AUTS2: variants seen among roughly 807,000 people sequenced by gnomAD.
AUTS2 encodes the protein autism susceptibility gene 2 protein.
In AUTS2, 17 loss-of-function variants were observed where a neutral mutation model predicts 112.4. The observed-to-expected ratio is 0.15, with a 90% CI of 0.10 to 0.23. The LOEUF is 0.23. Ranked by LOEUF, AUTS2 falls within the 10% of genes least tolerant of loss-of-function variation. AUTS2 has a pLI of 1.00. For missense variants in AUTS2, 1,510 were observed against 1,701.6 expected (o/e 0.89, Z 1.98); for synonymous variants, 751 against 702.7 (o/e 1.07, Z -1.09).
At chr7:70,066,270 G>C (rs1323702491) in intron 2 of AUTS2, among the ~76,000 whole-genome samples, 1 of 152,066 alleles carries the variant, frequency 6.6e-6, no homozygotes, top group Non-Finnish European at 1.5e-5. Flanking sequence ...AATAGTGATT[G>C]ATCATAAATT....
At chr7:70,556,736 C>T (rs989553027) in intron 5 of AUTS2, among the ~76,000 whole-genome samples, 2 of 152,172 alleles carry the variant, frequency 1.3e-5, no homozygotes, top group African/African-American at 4.8e-5. Context: ...GATAACCACC[C>T]AGTTTTCTGT....
chr7:70,531,606 GC>G (rs1302894352), intron 5 of AUTS2, among the ~76,000 whole-genome samples: 1 of 152,060 alleles, frequency 6.6e-6, no homozygotes, highest in Non-Finnish European at 1.5e-5. Flanking sequence ...GGGGTTCCAG[GC>G]TTTAAATAAT....
At chr7:70,151,336 A>C (rs1441183259) in intron 4 of AUTS2, among the ~76,000 whole-genome samples, 1 of 152,194 alleles carries the variant, frequency 6.6e-6, no homozygotes, top group Admixed American at 6.6e-5. Context: ...AGCCAGGAAC[A>C]GTGCTGATTC....
At chr7:70,698,445 A>G (rs1371336287) in intron 5 of AUTS2, 124 bp from the exon 6 acceptor site, 1 of 788,850 alleles carries the variant, frequency 1.3e-6, no homozygotes, top group Non-Finnish European at 2.0e-6. Context: ...ATTTGGGGAC[A>G]TTGCTGCTTC....
At chr7:69,855,281 T>C (rs1417741815) in intron 1 of AUTS2, among the ~76,000 whole-genome samples, 1 of 152,172 alleles carries the variant, frequency 6.6e-6, no homozygotes, top group Non-Finnish European at 1.5e-5. Context: ...AAACCAATCT[T>C]ATTGTTGTGA....
intron 4 of AUTS2, among the ~76,000 whole-genome samples, chr7:70,178,208 A>T (rs974047272): frequency 2.0e-4 from 31 of 152,148 alleles, no homozygotes; most frequent in African/African-American, 7.2e-4. Context: ...GTGAAGAGTG[A>T]ATGTCCCTGT....
At chr7:70,759,914 T>G (rs1326979151) in intron 6 of AUTS2, among the ~76,000 whole-genome samples, 4 of 152,190 alleles carry the variant, frequency 2.6e-5, no homozygotes, top group African/African-American at 7.2e-5. Flanking sequence ...AAGCTGATTT[T>G]GGGAGGGAAT....
At chr7:69,982,223 T>A (rs1262176278) in intron 2 of AUTS2, among the ~76,000 whole-genome samples, 1 of 152,176 alleles carries the variant, frequency 6.6e-6, no homozygotes, top group African/African-American at 2.4e-5. Context: ...CTGTGCCTTT[T>A]CTTCTTGACT....
chr7:70,639,386 G>A (rs1585418694), intron 5 of AUTS2, among the ~76,000 whole-genome samples: 1 of 151,782 alleles, frequency 6.6e-6, no homozygotes, highest in Non-Finnish European at 1.5e-5. Context: ...CAGCTCAAAG[G>A]AAACAGGGAG....
At chr7:70,464,458 GCAA>G (rs1325709783) in intron 5 of AUTS2, among the ~76,000 whole-genome samples, 1 of 152,124 alleles carries the variant, frequency 6.6e-6, no homozygotes, top group African/African-American at 2.4e-5. Context: ...TTTAATCTTT[GCAA>G]CAACACAATA....
At chr7:70,779,558 G>A (rs1347699822) in intron 14 of AUTS2, among the ~76,000 whole-genome samples, 1 of 152,228 alleles carries the variant, frequency 6.6e-6, no homozygotes, top group East Asian at 1.9e-4. Flanking sequence ...GCCGTCAGCA[G>A]TAAGAGAACA....
chr7:70,387,552 G>C (rs1415923892), intron 4 of AUTS2, among the ~76,000 whole-genome samples: 11 of 152,066 alleles, frequency 7.2e-5, no homozygotes, highest in Admixed American at 7.2e-4. Context: ...TCACCACTTG[G>C]ATGTCCTGCC....
intron 5 of AUTS2, among the ~76,000 whole-genome samples, chr7:70,472,267 G>A (rs1027529494): frequency 6.6e-6 from 1 of 152,118 alleles, no homozygotes; most frequent in Non-Finnish European, 1.5e-5. Flanking sequence ...ATTTATATGA[G>A]AGAACCCCAA....
chr7:69,876,510 A>ATTTTGTG (rs1793801269), intron 1 of AUTS2, among the ~76,000 whole-genome samples: 1 of 42,948 alleles, frequency 2.3e-5, no homozygotes, highest in African/African-American at 1.7e-4. Context: ...ATATATATAT[A>ATTTTGTG]TATATATATA....
At chr7:70,312,667 C>T (rs1479668752) in intron 4 of AUTS2, among the ~76,000 whole-genome samples, 1 of 152,204 alleles carries the variant, frequency 6.6e-6, no homozygotes, top group Non-Finnish European at 1.5e-5. Flanking sequence ...GGTGGCCCCA[C>T]ACCAGGACCA....
intron 4 of AUTS2, among the ~76,000 whole-genome samples, chr7:70,278,181 A>G (rs1788030701): frequency 6.6e-6 from 1 of 152,170 alleles, no homozygotes; most frequent in Non-Finnish European, 1.5e-5. Context: ...GCTATATTCT[A>G]CATTAGACCA....
At chr7:69,895,498 T>G (rs1217594399) in intron 1 of AUTS2, among the ~76,000 whole-genome samples, 1 of 151,940 alleles carries the variant, frequency 6.6e-6, no homozygotes, top group East Asian at 1.9e-4. Context: ...TCTTACCTCT[T>G]AAGCCACCAC....
At chr7:70,494,096 T>TC (rs766433799) in intron 5 of AUTS2, among the ~76,000 whole-genome samples, 53 of 152,314 alleles carry the variant, frequency 3.5e-4, no homozygotes, top group Non-Finnish European at 6.0e-4. Context: ...AACTAGGAAT[T>TC]CAAGACTCAG....
chr7:69,848,460 G>C (rs192343172), intron 1 of AUTS2, among the ~76,000 whole-genome samples: 1 of 152,120 alleles, frequency 6.6e-6, no homozygotes, highest in Admixed American at 6.6e-5. Context: ...CTCTTTAAAG[G>C]GTTTTGACTA....
Sources: allele counts gnomAD v4.1 joint callset (sites outside exome capture counted in the v4.1 genomes callset), GRCh38; gene constraint gnomAD v4.1.1; transcripts MANE v1.5; gene names NCBI Gene and HGNC (gene_info 2026-07-23, HGNC 2026-07-21).